ROBO1: variants seen among roughly 807,000 people sequenced by gnomAD.
ROBO1 encodes the protein roundabout guidance receptor 1, also known as roundabout homolog 1.
ROBO1 carries 149 observed loss-of-function variants against 195.9 expected under a neutral mutation model. The ratio of observed to expected loss-of-function variants is 0.76; its 90% CI spans 0.67 to 0.87. The LOEUF (loss-of-function observed/expected upper bound fraction) is 0.87, where lower values mean the gene tolerates loss of function less well. Among genes scored for constraint, ROBO1 ranks in the 40% least tolerant of loss-of-function variants. ROBO1 has a pLI of 0.00. For missense variants in ROBO1, 1,933 were observed against 2,068.3 expected (o/e 0.93, Z 1.27); for synonymous variants, 816 against 733.2 (o/e 1.11, Z -1.82).
chr3:78,884,160 T>C (rs375116595), intron 4 of ROBO1, among the ~76,000 whole-genome samples: 14 of 152,270 alleles, frequency 9.2e-5, no homozygotes, highest in African/African-American at 2.9e-4. Context: ...CAAAGGAACA[T>C]GAATGTTATT....
intron 2 of ROBO1, among the ~76,000 whole-genome samples, chr3:79,482,314 G>T (rs1357328169): frequency 6.6e-6 from 1 of 152,180 alleles, no homozygotes; most frequent in Non-Finnish European, 1.5e-5. Flanking sequence ...ATTTTATCTT[G>T]AACTGTGGCT....
At chr3:79,520,275 T>G (rs1267152965) in intron 2 of ROBO1, among the ~76,000 whole-genome samples, 1 of 151,926 alleles carries the variant, frequency 6.6e-6, no homozygotes, top group Non-Finnish European at 1.5e-5. Flanking sequence ...TGTCAGGAAG[T>G]TAGCTATTAA....
At chr3:79,343,222 C>T (rs182110671) in intron 2 of ROBO1, among the ~76,000 whole-genome samples, 42 of 152,186 alleles carry the variant, frequency 2.8e-4, no homozygotes, top group African/African-American at 8.9e-4. Flanking sequence ...ATTTATTTAT[C>T]CATTGAAAAA....
Position 78,598,136 on chromosome 3 carries a change from A to ATAAT in ROBO1, c.*773_*776dup, listed in dbSNP as rs977162529. 3 of 152,614 alleles carry ATAAT rather than the reference A, an allele frequency of 2.0e-5. No individual in the cohort carries two copies. The highest frequency in any genetic ancestry group is 7.2e-5 in the African/African-American group (3 of 41,448). 9.5% of individuals were successfully genotyped at this position (152,614 alleles called of 1,614,324 possible). A position where few individuals can be genotyped will look rare whatever the true frequency, so the allele number is the denominator to read the frequency against. On this transcript the variant is annotated 3_prime_UTR_variant, in exon 31 of 31. Transcript: ENST00000464233. ...ATCCACTTGTTTGTAATACGTATTT[A>ATAAT]TAATTACTTTTTGATGATTGAAAAA...
intron 1 of ROBO1, among the ~76,000 whole-genome samples, chr3:79,758,022 G>C (rs1054023096): frequency 3.3e-5 from 5 of 152,200 alleles, no homozygotes; most frequent in Admixed American, 6.5e-5. Flanking sequence ...GCTGAAATCT[G>C]CAAAGTTGCA....
At chr3:78,898,449 G>A (rs944949159) in intron 4 of ROBO1, among the ~76,000 whole-genome samples, 128 of 145,208 alleles carry the variant, frequency 8.8e-4, no homozygotes, top group African/African-American at 2.9e-3. Context: ...GTGCAGTGGC[G>A]TGATCTCGGC....
intron 10 of ROBO1, among the ~76,000 whole-genome samples, chr3:78,676,729 G>A (rs1003035274): frequency 6.6e-6 from 1 of 152,168 alleles, no homozygotes; most frequent in Admixed American, 6.5e-5. Flanking sequence ...GGGGAGAATG[G>A]AACCAAGTTG....
intron 4 of ROBO1, among the ~76,000 whole-genome samples, chr3:78,803,807 G>A (rs887087415): frequency 6.6e-6 from 1 of 152,032 alleles, no homozygotes; most frequent in Non-Finnish European, 1.5e-5. Context: ...AAGCAAAGGG[G>A]ATAAGGAAGA....
chr3:79,262,300 C>T (rs1049750391), intron 2 of ROBO1, among the ~76,000 whole-genome samples: 1 of 152,022 alleles, frequency 6.6e-6, no homozygotes, highest in Non-Finnish European at 1.5e-5. Flanking sequence ...GCTTCACTTT[C>T]TCATCGATTC....
chr3:79,121,835 T>C (rs1446738122), intron 3 of ROBO1, among the ~76,000 whole-genome samples: 2 of 152,020 alleles, frequency 1.3e-5, no homozygotes, highest in Non-Finnish European at 2.9e-5. Flanking sequence ...TAAATTCCTT[T>C]CCTGATTACT....
chr3:79,248,623 T>C (rs1009028171), intron 2 of ROBO1, among the ~76,000 whole-genome samples: 3 of 152,158 alleles, frequency 2.0e-5, no homozygotes, highest in Non-Finnish European at 4.4e-5. Context: ...TGAGTGAAGA[T>C]GTAATAAGGA....
chr3:78,745,442 T>C (rs368285586), intron 5 of ROBO1, among the ~76,000 whole-genome samples: 1 of 152,030 alleles, frequency 6.6e-6, no homozygotes, highest in East Asian at 1.9e-4. Flanking sequence ...GAAAGAGGAA[T>C]TATAGATAAT....
intron 1 of ROBO1, among the ~76,000 whole-genome samples, chr3:79,739,441 G>T (rs1351466090): frequency 6.6e-6 from 1 of 152,148 alleles, no homozygotes; most frequent in Non-Finnish European, 1.5e-5. Context: ...TAAGTGGTCT[G>T]GGTTTGGTTT....
chr3:79,257,797 C>T (rs549672965), intron 2 of ROBO1, among the ~76,000 whole-genome samples: 1 of 152,094 alleles, frequency 6.6e-6, no homozygotes, highest in Non-Finnish European at 1.5e-5. Flanking sequence ...CCATAATACA[C>T]TCGAATGTTT....
At chr3:79,088,760 G>A (rs1443227508) in intron 3 of ROBO1, among the ~76,000 whole-genome samples, 1 of 151,950 alleles carries the variant, frequency 6.6e-6, no homozygotes, top group Admixed American at 6.6e-5. Flanking sequence ...GTTAACAAAA[G>A]CTAATTATCT....
At chr3:79,590,728 C>A (rs1015065906) in intron 1 of ROBO1, among the ~76,000 whole-genome samples, 3 of 151,414 alleles carry the variant, frequency 2.0e-5, no homozygotes, top group Non-Finnish European at 4.4e-5. Context: ...TTAGAGATAA[C>A]CATATAACCA....
At chr3:79,385,552 A>G (rs927024203) in intron 2 of ROBO1, among the ~76,000 whole-genome samples, 24 of 152,154 alleles carry the variant, frequency 1.6e-4, no homozygotes, top group Admixed American at 1.6e-3. Context: ...AAGGCGACAT[A>G]AAGCTTGCTG....
intron 2 of ROBO1, among the ~76,000 whole-genome samples, chr3:79,215,475 A>G (rs1226304924): frequency 2.0e-5 from 3 of 152,138 alleles, no homozygotes; most frequent in African/African-American, 7.2e-5. Flanking sequence ...CCAACAAACG[A>G]TTTATATGTA....
At position 78,618,778 on chromosome 3, in the gene ROBO1, C is replaced by G. The variant is rs761280709; in HGVS notation, c.3876-737G>C. On this transcript the variant is annotated intron_variant, in intron 26 of 30. Transcript: ENST00000464233. ...TATGTCCTGGAATTAATTTAAGAAC[C>G]AGAGTTGAGGACAAAATGAAGTAGT... Among the ~76,000 whole-genome samples the G allele has an allele frequency of 2.0e-5, 3 of 151,938 alleles. No individual in the cohort carries two copies. In the South Asian group the frequency reaches 6.2e-4, roughly 32 times the overall value.
Sources: gnomAD v4.1 joint callset for allele counts (sites outside exome capture counted in the v4.1 genomes callset) on GRCh38, gnomAD v4.1.1 for gene constraint, MANE v1.5 for transcripts, NCBI Gene and HGNC (gene_info 2026-07-23, HGNC 2026-07-21) for gene names.